The following RELL1 variants were observed in gnomAD, a reference collection of about 807,000 sequenced individuals.
RELL1 encodes RELT like 1.
A neutral mutation model predicts 23.0 loss-of-function variants in RELL1; 10 were observed. The ratio of observed to expected loss-of-function variants is 0.43; its 90% CI spans 0.27 to 0.74. RELL1 has a LOEUF of 0.74. Ranked by LOEUF, RELL1 falls within the 30% of genes least tolerant of loss-of-function variation. The probability of loss-of-function intolerance (pLI) is 0.19; values close to 1 mark genes in which losing one functional copy is unlikely to be tolerated. For synonymous variants in RELL1, 146 were observed against 146.8 expected (o/e 0.99, Z 0.04); for missense variants, 315 against 364.4 (o/e 0.86, Z 1.10).
chr4:37,666,848 C>T (rs367992851), intron 1 of RELL1, among the ~76,000 whole-genome samples: 24 of 152,278 alleles, frequency 1.6e-4, no homozygotes, highest in African/African-American at 5.5e-4. Context: ...AAGTCCTAAA[C>T]GAAGGGTTTT....
At chr4:37,669,541 G>A (rs528091680) in intron 1 of RELL1, among the ~76,000 whole-genome samples, 304 of 152,260 alleles carry the variant, frequency 2.0e-3, no homozygotes, top group African/African-American at 6.9e-3. Context: ...GTACCCAACA[G>A]CTCATTGAGA....
chr4:37,665,441 GC>G, intron 1 of RELL1: 1 of 374,500 alleles, frequency 2.7e-6, no homozygotes. Context: ...TGGGGAACTA[GC>G]TCTCAACTGG....
chr4:37,660,060 A>G (rs2109296277), intron 1 of RELL1, among the ~76,000 whole-genome samples: 1 of 151,282 alleles, frequency 6.6e-6, no homozygotes, highest in East Asian at 1.9e-4. Flanking sequence ...GTTTTTAAGC[A>G]CACACACACA....
chr4:37,653,901 A>G (rs995884289), intron 1 of RELL1, among the ~76,000 whole-genome samples: 2 of 152,226 alleles, frequency 1.3e-5, no homozygotes, highest in African/African-American at 2.4e-5. Context: ...AGTAGATCCT[A>G]TAGTCCCAAC....
intron 1 of RELL1, among the ~76,000 whole-genome samples, chr4:37,662,487 G>A (rs902703721): frequency 1.3e-5 from 2 of 151,906 alleles, no homozygotes; most frequent in African/African-American, 2.4e-5. Context: ...TGACAGGCAG[G>A]AGGCTGGGGC....
chr4:37,619,372 G>A (rs1303010134), intron 6 of RELL1, among the ~76,000 whole-genome samples: 2 of 151,218 alleles, frequency 1.3e-5, no homozygotes, highest in African/African-American at 2.4e-5. Context: ...TAGTAGAGTC[G>A]GGGTTTCACC....
chr4:37,623,829 G>A lies in RELL1; in HGVS notation c.*3+7556C>T, dbSNP rs28617717. Reference sequence around the variant, plus strand: ...GTTTCTTTTTATATTCTGTTGCCCCGTAAGACCAGTGAATCAAGTTAAAGG... The same window carrying A: ...GTTTCTTTTTATATTCTGTTGCCCCATAAGACCAGTGAATCAAGTTAAAGG... On this transcript the variant is annotated intron_variant, in intron 6 of 6. Transcript: ENST00000454158. Among the ~76,000 whole-genome samples, 1,140 of 152,226 alleles carry A rather than the reference G, an allele frequency of 7.5e-3. 13 individuals carry two copies. The highest frequency in any genetic ancestry group is 0.026 in the African/African-American group (1,062 of 41,532).
chr4:37,660,833 C>G (rs1467922496), intron 1 of RELL1, among the ~76,000 whole-genome samples: 1 of 152,100 alleles, frequency 6.6e-6, no homozygotes, highest in African/African-American at 2.4e-5. Flanking sequence ...AGATCAAGAC[C>G]ATCCTGGCTA....
intron 6 of RELL1, among the ~76,000 whole-genome samples, chr4:37,598,305 T>C (rs1240076058): frequency 1.9e-5 from 1 of 52,042 alleles, no homozygotes; most frequent in African/African-American, 7.7e-5. Context: ...AGAAAATATA[T>C]AGAGAAAAAA....
chr4:37,618,684 A>G (rs1176865860), intron 6 of RELL1, among the ~76,000 whole-genome samples: 3 of 152,354 alleles, frequency 2.0e-5, no homozygotes, highest in Non-Finnish European at 4.4e-5. Flanking sequence ...AACTTTGGAC[A>G]TTATCTTTGC....
At chr4:37,679,729 T>C (rs1722140353) in intron 1 of RELL1, among the ~76,000 whole-genome samples, 1 of 151,874 alleles carries the variant, frequency 6.6e-6, no homozygotes, top group African/African-American at 2.4e-5. Context: ...CCGAGGTGGG[T>C]GGATCACATG....
chr4:37,659,907 T>C (rs1257195441), intron 1 of RELL1, among the ~76,000 whole-genome samples: 1 of 152,176 alleles, frequency 6.6e-6, no homozygotes, highest in Admixed American at 6.6e-5. Flanking sequence ...ATGGCTCTGA[T>C]AGCAATTCTT....
At chr4:37,670,330 A>G (rs913536474) in intron 1 of RELL1, among the ~76,000 whole-genome samples, 1 of 152,058 alleles carries the variant, frequency 6.6e-6, no homozygotes, top group African/African-American at 2.4e-5. Context: ...GCGGTAAACC[A>G]GGATACTGGA....
At chr4:37,623,124 T>G in intron 6 of RELL1, 1 of 316,364 alleles carries the variant, frequency 3.2e-6, no homozygotes, top group South Asian at 2.5e-5. Flanking sequence ...TTTAAAGATA[T>G]AATTGTACCT....
In RELL1 at chr4:37,634,894, C is replaced by T; in HGVS notation, c.673G>A (p.Val225Ile). Residue 225 changes from valine (V) to isoleucine (I), a missense_variant, in exon 5 of 7, where the codon GTT becomes ATT. Coordinates refer to ENST00000454158, the MANE Select transcript of RELL1 (RefSeq NM_001085400.2). ...RRQGEVTVLSVGRFRVTKVEH... is the reference protein window; with the variant it reads ...RRQGEVTVLSIGRFRVTKVEH... ...CATCTGAAGGGATCTTACCTGCCAA[C>T]AGAAAGGACCGTGACCTCGCCTTGG... 6.2e-7 allele frequency: 1 copy of T among 1,614,246 alleles called. No homozygotes were observed. The highest frequency in any genetic ancestry group is 8.5e-7 in the Non-Finnish European group (1 of 1,180,018).
At chr4:37,602,750 A>T (rs1270276118) in intron 6 of RELL1, among the ~76,000 whole-genome samples, 2 of 152,210 alleles carry the variant, frequency 1.3e-5, no homozygotes, top group Non-Finnish European at 2.9e-5. Context: ...GAAAGATAAG[A>T]TACCTTTCTC....
intron 6 of RELL1, among the ~76,000 whole-genome samples, chr4:37,601,294 A>G (rs796181000): frequency 1.3e-4 from 20 of 152,276 alleles, no homozygotes; most frequent in African/African-American, 4.8e-4. Flanking sequence ...TCCACTACAG[A>G]GGGTTGGAAC....
downstream of RELL1, chr4:37,588,786 C>A: frequency 7.9e-7 from 1 of 1,270,260 alleles, no homozygotes; most frequent in Non-Finnish European, 1.1e-6. Flanking sequence ...AAAAGGCAAA[C>A]TTAATTCCTA....
chr4:37,628,755 G>A (rs1720032445), intron 6 of RELL1, among the ~76,000 whole-genome samples: 1 of 152,154 alleles, frequency 6.6e-6, no homozygotes, highest in African/African-American at 2.4e-5. Flanking sequence ...GAAACCAGGG[G>A]TAGGGCAGTT....
Sources: allele counts gnomAD v4.1 joint callset (sites outside exome capture counted in the v4.1 genomes callset), GRCh38; gene constraint gnomAD v4.1.1; transcripts MANE v1.5; gene names NCBI Gene and HGNC (gene_info 2026-07-23, HGNC 2026-07-21).